Variants in RBPMS observed in about 807,000 individuals in gnomAD.
RBPMS encodes the protein RNA binding protein, mRNA processing factor.
Under a neutral mutation model 26.8 loss-of-function variants are expected in RBPMS, and 7 were observed. That is an observed-to-expected ratio of 0.26 (90% CI 0.15 to 0.49). The LOEUF is 0.49. RBPMS is among the 20% of genes least tolerant of loss of function. The probability of loss-of-function intolerance (pLI) is 0.98; values close to 1 mark genes in which losing one functional copy is unlikely to be tolerated. For synonymous variants in RBPMS, 96 were observed against 93.3 expected, an observed-to-expected ratio of 1.03 and a Z score of -0.17; for missense variants, 186 against 250.0, an observed-to-expected ratio of 0.74 and a Z score of 1.73.
Position 30,437,072 on chromosome 8 carries a change from G to A in RBPMS, c.67-37707G>A, listed in dbSNP as rs138005875. On this transcript the variant is annotated intron_variant, in intron 1 of 8. Transcript: ENST00000397323. ...CGAGTAGCTGGGACTATAGGCGCCC[G>A]CCACCATGCCCGCTAATTTTTTGTA... Among the ~76,000 whole-genome samples the A allele has an allele frequency of 3.1e-3, 468 of 151,590 alleles. 1 individual carries two copies. The highest frequency in any genetic ancestry group is 0.01 in the African/African-American group (419 of 41,332).
chr8:30,472,386 T>TA (rs1817218297), intron 1 of RBPMS, among the ~76,000 whole-genome samples: 1 of 152,168 alleles, frequency 6.6e-6, no homozygotes, highest in Non-Finnish European at 1.5e-5. Flanking sequence ...ATCAGAGCAG[T>TA]GATTGCCTGG....
intron 4 of RBPMS, among the ~76,000 whole-genome samples, chr8:30,482,629 TTAAA>T (rs1818396587): frequency 6.6e-6 from 1 of 152,220 alleles, no homozygotes; most frequent in Admixed American, 6.5e-5. Flanking sequence ...CCTTCTAAAG[TTAAA>T]TACAGTACGT....
At chr8:30,441,399 A>G (rs1813059987) in intron 1 of RBPMS, among the ~76,000 whole-genome samples, 1 of 152,204 alleles carries the variant, frequency 6.6e-6, no homozygotes, top group African/African-American at 2.4e-5. Flanking sequence ...GGTAGCTAAA[A>G]TTGCAGATCT....
chr8:30,428,895 G>A (rs1245220659), intron 1 of RBPMS, among the ~76,000 whole-genome samples: 1 of 152,112 alleles, frequency 6.6e-6, no homozygotes, highest in Non-Finnish European at 1.5e-5. Flanking sequence ...AATAAGCTGG[G>A]GAGTATGTGT....
intron 4 of RBPMS, among the ~76,000 whole-genome samples, chr8:30,498,283 G>A (rs762096824): frequency 5.9e-5 from 9 of 152,036 alleles, no homozygotes; most frequent in Non-Finnish European, 8.8e-5. Flanking sequence ...GAGAAGTTCA[G>A]TATCTCAGAA....
chr8:30,469,535 A>G (rs559951429), intron 1 of RBPMS, among the ~76,000 whole-genome samples: 2 of 152,384 alleles, frequency 1.3e-5, no homozygotes, highest in South Asian at 4.1e-4. Context: ...TTGAAGGTAC[A>G]TCTACAAATC....
Position 30,479,300 on chromosome 8 carries a change from C to CTT in RBPMS, c.184-7_184-6dup. 6.3e-7 allele frequency: 1 copy of CTT among 1,583,396 alleles called. No individual in the cohort carries two copies. The highest frequency in any genetic ancestry group is 8.7e-7 in the Non-Finnish European group (1 of 1,155,924). ...TCTGATTTTTTTTCTTCATATTTCTCTTTTTTTTTCTCAGCCTGTAGGTTT... is the reference window on the plus strand; with the variant it reads ...TCTGATTTTTTTTCTTCATATTTCTCTTTTTTTTTTTCTCAGCCTGTAGGTTT... On this transcript the variant is annotated splice_polypyrimidine_tract_variant and intron_variant, in intron 3 of 8. Transcript: ENST00000397323.
chr8:30,507,343 C>T (rs1243924057), intron 5 of RBPMS, among the ~76,000 whole-genome samples: 2 of 152,012 alleles, frequency 1.3e-5, no homozygotes, highest in African/African-American at 4.8e-5. Flanking sequence ...AAACAATATC[C>T]CAGGATTGGG....
At chr8:30,445,069 T>C (rs959705046) in intron 1 of RBPMS, among the ~76,000 whole-genome samples, 1 of 152,192 alleles carries the variant, frequency 6.6e-6, no homozygotes, top group African/African-American at 2.4e-5. Flanking sequence ...TGATGTTTCA[T>C]GTGAGTTCAT....
At chr8:30,388,108 C>T (rs538630427) in intron 1 of RBPMS, among the ~76,000 whole-genome samples, 6 of 152,200 alleles carry the variant, frequency 3.9e-5, no homozygotes, top group South Asian at 2.1e-4. Context: ...GTGTAATACA[C>T]GTACAATGTA....
intron 4 of RBPMS, among the ~76,000 whole-genome samples, chr8:30,501,145 T>C (rs1296697733): frequency 6.6e-6 from 1 of 152,020 alleles, no homozygotes; most frequent in East Asian, 1.9e-4. Flanking sequence ...CTGATCATAT[T>C]ATCCCCCCCA....
chr8:30,511,471 GAAAAA>G (rs1188894079), intron 5 of RBPMS, among the ~76,000 whole-genome samples: 114 of 11,076 alleles, frequency 0.01, 1 homozygote, highest in East Asian at 0.025. Context: ...AACAAAAAAA[GAAAAA>G]AAAAAAAAAA....
intron 5 of RBPMS, among the ~76,000 whole-genome samples, chr8:30,505,997 GAT>G (rs1821034855): frequency 6.6e-6 from 1 of 152,138 alleles, no homozygotes; most frequent in Non-Finnish European, 1.5e-5. Context: ...TAATGCTGGT[GAT>G]ACTTAACTTT....
intron 1 of RBPMS, among the ~76,000 whole-genome samples, chr8:30,454,413 T>C (rs1352292380): frequency 6.6e-6 from 1 of 152,076 alleles, no homozygotes; most frequent in Non-Finnish European, 1.5e-5. Flanking sequence ...ACATTAGGGG[T>C]ATATGTGTAG....
At chr8:30,507,216 A>C (rs939182624) in intron 5 of RBPMS, among the ~76,000 whole-genome samples, 15 of 152,208 alleles carry the variant, frequency 9.9e-5, no homozygotes, top group Non-Finnish European at 1.9e-4. Context: ...AATTCTGCCA[A>C]TTATTGACAA....
intron 1 of RBPMS, chr8:30,446,803 G>C (rs1011460195): frequency 0.012 from 962 of 81,556 alleles, 14 homozygotes; most frequent in African/African-American, 0.059. Flanking sequence ...GCTTGTGTGT[G>C]TGTGTGTGTG....
intron 1 of RBPMS, among the ~76,000 whole-genome samples, chr8:30,448,779 A>G (rs912203964): frequency 3.9e-5 from 6 of 152,262 alleles, no homozygotes; most frequent in Non-Finnish European, 8.8e-5. Context: ...AATAGAATGT[A>G]GTATCTGTTG....
chr8:30,387,670 G>T (rs1807272175), intron 1 of RBPMS, among the ~76,000 whole-genome samples: 2 of 152,194 alleles, frequency 1.3e-5, no homozygotes. Context: ...ATGGAAAAAT[G>T]AGTCCAATCA....
chr8:30,387,801 A>G (rs1259739385), intron 1 of RBPMS, among the ~76,000 whole-genome samples: 2 of 152,132 alleles, frequency 1.3e-5, no homozygotes, highest in African/African-American at 4.8e-5. Flanking sequence ...CCTTCTATCA[A>G]TCAGTGTATT....
Sources: gnomAD v4.1 joint callset for allele counts (sites outside exome capture counted in the v4.1 genomes callset) on GRCh38, gnomAD v4.1.1 for gene constraint, MANE v1.5 for transcripts, NCBI Gene and HGNC (gene_info 2026-07-23, HGNC 2026-07-21) for gene names.